The following C2orf69 variants were observed in gnomAD, a reference collection of about 807,000 sequenced individuals.
C2orf69 encodes the protein chromosome 2 open reading frame 69.
Under a neutral mutation model 29.5 loss-of-function variants are expected in C2orf69, and 19 were observed. That is an observed-to-expected ratio of 0.65 (90% CI 0.45 to 0.95). The LOEUF (loss-of-function observed/expected upper bound fraction) is 0.95. Among genes scored for constraint, C2orf69 ranks in the 40% least tolerant of loss-of-function variants. The pLI is 0.00. For synonymous variants in C2orf69, 194 were observed against 180.0 expected (o/e 1.08, Z -0.62); for missense variants, 416 against 482.1 (o/e 0.86, Z 1.28).
rs2077341002 is a variant in C2orf69, at chr2:199,927,627, T to TTTC, written c.*1744_*1746dup. The TTTC allele has an allele frequency of 6.6e-6, 1 of 151,884 alleles. No homozygotes were observed. The highest frequency in any genetic ancestry group is 6.6e-5 in the Admixed American group (1 of 15,228). 9.4% of individuals were successfully genotyped at this position (151,884 alleles called of 1,614,324 possible). A position where few individuals can be genotyped will look rare whatever the true frequency, so the allele number is the denominator to read the frequency against. On this transcript the variant is annotated 3_prime_UTR_variant, in exon 2 of 2. Transcript: ENST00000319974. ...TGCTTCAGTTTCTTTAAATACCTCGTTTCTTTTGAGACCAAAAATTCCCAT... is the reference window on the plus strand; with the variant it reads ...TGCTTCAGTTTCTTTAAATACCTCGTTTCTTCTTTTGAGACCAAAAATTCCCAT...
intron 1 of C2orf69, among the ~76,000 whole-genome samples, chr2:199,922,395 C>T (rs2077320546): frequency 6.6e-6 from 1 of 152,072 alleles, no homozygotes; most frequent in African/African-American, 2.4e-5. Flanking sequence ...CCCCCAGCCT[C>T]AGGCTTTTTT....
chr2:199,917,265 A>G (rs2077296871), intron 1 of C2orf69, among the ~76,000 whole-genome samples: 1 of 152,214 alleles, frequency 6.6e-6, no homozygotes, highest in African/African-American at 2.4e-5. Flanking sequence ...CTGTGATGGT[A>G]GGGGCTGCCC....
chr2:199,926,080 G>A lies in C2orf69; in HGVS notation c.*194G>A, dbSNP rs2077334066. ...TGTGAATGTGAGCAGTTATTAATTT[G>A]GATTGAGTTAGAATTAGTTAATTTG... On this transcript the variant is annotated 3_prime_UTR_variant, in exon 2 of 2. Coordinates refer to ENST00000319974, the MANE Select transcript of C2orf69 (RefSeq NM_153689.6). 3.8e-6 allele frequency: 2 copies of A among 529,644 alleles called. No individual in the cohort carries two copies. Among genetic ancestry groups the A allele is most frequent in the Admixed American group, 6.4e-5 (2 of 31,304 alleles). The allele number at this position is 529,644 out of a possible 1,614,324, so 32.8% of individuals were successfully genotyped here. A position where few individuals can be genotyped will look rare whatever the true frequency, so the allele number is the denominator to read the frequency against.
Position 199,925,230 on chromosome 2 carries a change from A to C in C2orf69, c.502A>C (p.Lys168Gln). The C allele has an allele frequency of 6.2e-7, 1 of 1,612,486 alleles. No homozygotes were observed. The highest frequency in any genetic ancestry group is 8.5e-7 in the Non-Finnish European group (1 of 1,179,852). The change falls in exon 2 of 2, where the codon AAA (lysine) becomes CAA (glutamine). Residue 168 changes from lysine (K) to glutamine (Q), a missense_variant. Lys to Gln is a moderately conservative substitution (Grantham distance 53). Coordinates refer to ENST00000319974, the MANE Select transcript of C2orf69 (RefSeq NM_153689.6). This position sits in a 1 kb window ranked among gnomAD's most constrained non-coding sequence, Gnocchi z 4.9. ...ATTCAGCTGCTATGACAATTTTGTG[A>C]AAAGTAACATGTTTGGTGCCCCAGA... ...HKFSCYDNFV[K>Q]SNMFGAPEHN...
chr2:199,911,318 G>C lies in C2orf69; in HGVS notation c.-121G>C, dbSNP rs1257745820. On this transcript the variant is annotated 5_prime_UTR_variant, in exon 1 of 2. Transcript: ENST00000319974. ...CTCTGACGTCGTCGCCTCAGCGCCG[G>C]CTCCCGGCCGGGCCGCGGCCGCCGA... The C allele has an allele frequency of 2.4e-6, 3 of 1,238,360 alleles. No individual in the cohort carries two copies. In the Admixed American group the frequency reaches 1.2e-4, roughly 48 times the overall value. The allele number at this position is 1,238,360 out of a possible 1,614,324, so 76.7% of individuals were successfully genotyped here.
Position 199,911,687 on chromosome 2 carries a change from G to T in C2orf69, c.249G>T (p.Arg83=). ...CGGCGGCCGGGGAGGGACTGGAGCG[G>T]CAGGACCTCCCCGGGGACCCAGCGA... ...LLAAAGEGLE[R]QDLPGDPAKE... The change falls in exon 1 of 2, where the codon CGG becomes CGT. Residue 83 remains arginine (R), a synonymous_variant. Coordinates refer to ENST00000319974, the MANE Select transcript of C2orf69 (RefSeq NM_153689.6). The T allele has an allele frequency of 6.5e-7, 1 of 1,546,972 alleles. No homozygotes were observed.
At chr2:199,917,303 A>G (rs2077296987) in intron 1 of C2orf69, among the ~76,000 whole-genome samples, 2 of 152,006 alleles carry the variant, frequency 1.3e-5, no homozygotes, top group African/African-American at 4.8e-5. Flanking sequence ...CCCTGGAGAC[A>G]TTTTTCCCAT....
intron 1 of C2orf69, among the ~76,000 whole-genome samples, chr2:199,923,049 G>A (rs562240278): frequency 1.3e-5 from 2 of 152,228 alleles, no homozygotes; most frequent in East Asian, 1.9e-4. Flanking sequence ...GGTTATGTCC[G>A]GCAAGCTCCC....
chr2:199,921,135 T>C (rs1461570898), intron 1 of C2orf69, among the ~76,000 whole-genome samples: 1 of 148,286 alleles, frequency 6.7e-6, no homozygotes, highest in Non-Finnish European at 1.5e-5. Context: ...GCCTCCTGAG[T>C]AGCTGTGACT....
chr2:199,917,752 T>A (rs1239596679), intron 1 of C2orf69, among the ~76,000 whole-genome samples: 1 of 152,208 alleles, frequency 6.6e-6, no homozygotes, highest in Non-Finnish European at 1.5e-5. Flanking sequence ...CCTCTGCCTG[T>A]TACCCAGCTC....
chr2:199,917,110 G>A (rs905191138), intron 1 of C2orf69, among the ~76,000 whole-genome samples: 13 of 152,208 alleles, frequency 8.5e-5, no homozygotes, highest in African/African-American at 2.9e-4. Context: ...GCTTGGGCTT[G>A]CACACTCTGA....
chr2:199,913,068 T>G (rs542515687), intron 1 of C2orf69, among the ~76,000 whole-genome samples: 1 of 146,532 alleles, frequency 6.8e-6, no homozygotes, highest in Admixed American at 7.1e-5. Context: ...TATATAGATA[T>G]AGATATAGAT....
intron 1 of C2orf69, among the ~76,000 whole-genome samples, chr2:199,918,258 T>A (rs1396554849): frequency 6.6e-6 from 1 of 152,216 alleles, no homozygotes; most frequent in Non-Finnish European, 1.5e-5. Context: ...TGAAGGGTGA[T>A]CAAGATTTTT....
At chr2:199,913,670 ACTT>A (rs1325070951) in intron 1 of C2orf69, among the ~76,000 whole-genome samples, 2 of 150,312 alleles carry the variant, frequency 1.3e-5, no homozygotes, top group Admixed American at 6.8e-5. Context: ...AACAACTACT[ACTT>A]AGATTTAAGA....
In C2orf69 at chr2:199,927,412, C is replaced by A. The variant is rs200243225; in HGVS notation, c.*1526C>A. On this transcript the variant is annotated 3_prime_UTR_variant, in exon 2 of 2. Coordinates refer to ENST00000319974, the MANE Select transcript of C2orf69 (RefSeq NM_153689.6). Reference sequence around the variant, plus strand: ...AATAAAAATGTTAATTTCTTGGTTTCTTCCCAGAATTATATTTTAATGACT... The same window carrying A: ...AATAAAAATGTTAATTTCTTGGTTTATTCCCAGAATTATATTTTAATGACT... 2 of 150,172 alleles carry A rather than the reference C, an allele frequency of 1.3e-5. No homozygotes were observed. The highest frequency in any genetic ancestry group is 3.9e-4 in the East Asian group (2 of 5,098). The allele number at this position is 150,172 out of a possible 1,614,324, so 9.3% of individuals were successfully genotyped here.
Position 199,915,448 on chromosome 2 carries a change from T to C in C2orf69, c.333+3677T>C, listed in dbSNP as rs184981015. ...TAGCTTTATTCTTAATTTGAAGAAATATTGAACAGAATAGGGCTAAACAGA... is the reference window on the plus strand; with the variant it reads ...TAGCTTTATTCTTAATTTGAAGAAACATTGAACAGAATAGGGCTAAACAGA... On this transcript the variant is annotated intron_variant, in intron 1 of 1. Transcript: ENST00000319974. Among the ~76,000 whole-genome samples, 19 of 152,088 alleles carry C rather than the reference T, an allele frequency of 1.2e-4. No individual in the cohort carries two copies. The East Asian group carries it at 3.7e-3, about 29-fold the overall frequency.
At chr2:199,914,542 C>T (rs570599853) in intron 1 of C2orf69, among the ~76,000 whole-genome samples, 14 of 152,252 alleles carry the variant, frequency 9.2e-5, no homozygotes, top group Admixed American at 5.9e-4. Flanking sequence ...CACGTCTGCT[C>T]AAAACTGTGC....
At chr2:199,913,250 TTA>T (rs1553564839) in intron 1 of C2orf69, among the ~76,000 whole-genome samples, 1 of 84,782 alleles carries the variant, frequency 1.2e-5, no homozygotes, top group Non-Finnish European at 2.1e-5. Context: ...ATAATATATA[TTA>T]TATAAAATAT....
chr2:199,912,785 C>T (rs2077271265), intron 1 of C2orf69, among the ~76,000 whole-genome samples: 1 of 152,024 alleles, frequency 6.6e-6, no homozygotes, highest in Non-Finnish European at 1.5e-5. Flanking sequence ...GGATTACAGG[C>T]ATGCGCTACC....
Sources: gnomAD v4.1 joint callset for allele counts (sites outside exome capture counted in the v4.1 genomes callset) on GRCh38, gnomAD v4.1.1 for gene constraint, Gnocchi (gnomAD v3.1) non-coding constraint, MANE v1.5 for transcripts, NCBI Gene and HGNC (gene_info 2026-07-23, HGNC 2026-07-21) for gene names.